The following NTM variants were observed in gnomAD, a reference collection of about 807,000 sequenced individuals.
NTM encodes the protein IgLON family member 2.
In NTM, 13 loss-of-function variants were observed where a neutral mutation model predicts 42.1. The ratio of observed to expected loss-of-function variants is 0.31; its 90% CI spans 0.20 to 0.49. The LOEUF is 0.49. NTM is among the 20% of genes least tolerant of loss of function. The probability of loss-of-function intolerance (pLI) is 0.99; values close to 1 mark genes in which losing one functional copy is unlikely to be tolerated. For synonymous variants in NTM, 187 were observed against 179.2 expected, an observed-to-expected ratio of 1.04 and a Z score of -0.35; for missense variants, 373 against 452.8, an observed-to-expected ratio of 0.82 and a Z score of 1.60.
At chr11:132,225,219 C>T (rs1230807254) in intron 4 of NTM, among the ~76,000 whole-genome samples, 1 of 152,056 alleles carries the variant, frequency 6.6e-6, no homozygotes, top group Non-Finnish European at 1.5e-5. Context: ...CAGCCTTTGC[C>T]TCATCGGGCT....
chr11:131,567,192 C>A (rs1246320878), intron 1 of NTM, among the ~76,000 whole-genome samples: 1 of 151,774 alleles, frequency 6.6e-6, no homozygotes, highest in Non-Finnish European at 1.5e-5. Context: ...TGGTGGGAAA[C>A]CTAAAAAAAC....
At chr11:132,327,092 C>G (rs116149556) in intron 7 of NTM, among the ~76,000 whole-genome samples, 1 of 152,206 alleles carries the variant, frequency 6.6e-6, no homozygotes, top group African/African-American at 2.4e-5. Flanking sequence ...TTGCATGTCA[C>G]CTCTCCTATT....
chr11:131,528,132 CCTCT>C (rs747760169), intron 1 of NTM, among the ~76,000 whole-genome samples: 23 of 152,112 alleles, frequency 1.5e-4, no homozygotes, highest in Admixed American at 3.9e-4. Flanking sequence ...GTAACTTTCA[CCTCT>C]CTATCTTTAT....
intron 1 of NTM, among the ~76,000 whole-genome samples, chr11:131,474,243 A>G (rs1031054214): frequency 4.6e-5 from 7 of 152,154 alleles, no homozygotes; most frequent in Admixed American, 1.3e-4. Flanking sequence ...AACAGTTGAC[A>G]CAGTTAACCC....
intron 1 of NTM, among the ~76,000 whole-genome samples, chr11:131,821,834 A>G (rs1211864592): frequency 6.6e-6 from 1 of 152,236 alleles, no homozygotes; most frequent in African/African-American, 2.4e-5. Flanking sequence ...ATGATAGTTT[A>G]GAAAGGAAGC....
At position 131,371,953 on chromosome 11, in the gene NTM, G is replaced by A. The variant is rs554093326; in HGVS notation, c.82+1065G>A. On this transcript the variant is annotated intron_variant, in intron 1 of 8. Coordinates refer to ENST00000683400, the MANE Select transcript of NTM (RefSeq NM_001352005.2). ...AGTCCTATGCAGTTGTATTCCCAGA[G>A]GAAAGTTCCCTCTGACCCGGTGAAA... Among the ~76,000 whole-genome samples, 235 of 152,296 alleles carry A rather than the reference G, an allele frequency of 1.5e-3. 3 individuals are homozygous for A. The South Asian group carries it at 0.017, about 11-fold the overall frequency.
At chr11:132,313,297 C>CTGTT (rs375409590) in intron 6 of NTM, among the ~76,000 whole-genome samples, 231 of 151,856 alleles carry the variant, frequency 1.5e-3, no homozygotes, top group African/African-American at 5.0e-3. Context: ...GCCTTGAGTA[C>CTGTT]TGTTTGTTTT....
intron 2 of NTM, among the ~76,000 whole-genome samples, chr11:132,084,610 C>T (rs1434641847): frequency 6.6e-6 from 1 of 152,056 alleles, no homozygotes; most frequent in Non-Finnish European, 1.5e-5. Context: ...ATGTTGTGAA[C>T]TAGAATTTCA....
At chr11:131,642,055 T>A (rs1462880098) in intron 1 of NTM, among the ~76,000 whole-genome samples, 1 of 152,148 alleles carries the variant, frequency 6.6e-6, no homozygotes, top group African/African-American at 2.4e-5. Flanking sequence ...ACATCCAATC[T>A]TTAAAATGAC....
intron 1 of NTM, among the ~76,000 whole-genome samples, chr11:131,844,742 C>T (rs2044706203): frequency 6.6e-6 from 1 of 152,072 alleles, no homozygotes; most frequent in African/African-American, 2.4e-5. Flanking sequence ...ATTATAGTGT[C>T]TCTTTTAATT....
At chr11:131,864,721 T>C (rs1406288580) in intron 1 of NTM, among the ~76,000 whole-genome samples, 2 of 152,238 alleles carry the variant, frequency 1.3e-5, no homozygotes, top group Non-Finnish European at 2.9e-5. Flanking sequence ...AGTTTCCCTA[T>C]GTGCCACCTC....
chr11:131,942,958 AAAT>A (rs10597565), intron 2 of NTM, among the ~76,000 whole-genome samples: 27,066 of 135,760 alleles, frequency 0.2, 2,685 homozygotes, highest in Middle Eastern at 0.35. Context: ...AAAAAAAAAA[AAAT>A]GCGTAGAGTT....
chr11:132,261,612 G>A (rs1160196364), intron 4 of NTM, among the ~76,000 whole-genome samples: 2 of 152,196 alleles, frequency 1.3e-5, no homozygotes, highest in Admixed American at 6.5e-5. Context: ...TTTCTGACAT[G>A]CCTTTTAAGA....
chr11:131,406,599 A>C (rs190064422), intron 1 of NTM, among the ~76,000 whole-genome samples: 1 of 152,336 alleles, frequency 6.6e-6, no homozygotes, highest in Non-Finnish European at 1.5e-5. Flanking sequence ...GATAATGTTT[A>C]ATTTATAAAT....
chr11:132,161,238 G>A (rs781008512), intron 3 of NTM, among the ~76,000 whole-genome samples: 7 of 152,224 alleles, frequency 4.6e-5, no homozygotes, highest in Non-Finnish European at 1.0e-4. Context: ...ACTGGAGTGA[G>A]TGCAGCACCC....
chr11:131,888,019 A>G lies in NTM; in HGVS notation c.83-23545A>G, dbSNP rs184047261. ...TGCCTATACTTTGAGTTGCTACTCA[A>G]AACTGCTTTCCAGTAAAATATTTGG... is the stretch of plus-strand genomic sequence containing the variant. On this transcript the variant is annotated intron_variant, in intron 1 of 8. Coordinates refer to ENST00000683400, the MANE Select transcript of NTM (RefSeq NM_001352005.2). 5.7e-3 allele frequency among the ~76,000 whole-genome samples: 867 copies of G among 152,328 alleles called. 3 individuals are homozygous for G. Among genetic ancestry groups the G allele is most frequent in the Non-Finnish European group, 8.2e-3 (557 of 68,040 alleles).
intron 2 of NTM, among the ~76,000 whole-genome samples, chr11:131,936,100 G>A (rs1449106517): frequency 2.6e-5 from 4 of 152,120 alleles, no homozygotes; most frequent in African/African-American, 9.7e-5. Context: ...AGTGATGGTC[G>A]AGAGACAGCA....
At chr11:131,546,046 A>T (rs904346660) in intron 1 of NTM, among the ~76,000 whole-genome samples, 1 of 152,088 alleles carries the variant, frequency 6.6e-6, no homozygotes, top group South Asian at 2.1e-4. Context: ...GAATTTTTAT[A>T]CTGTGAGCAT....
At chr11:132,107,955 T>C (rs2136684145) in intron 2 of NTM, among the ~76,000 whole-genome samples, 1 of 152,350 alleles carries the variant, frequency 6.6e-6, no homozygotes, top group Middle Eastern at 3.4e-3. Flanking sequence ...ACTGAGTTCC[T>C]GACTTATAGG....
Sources: allele counts gnomAD v4.1 joint callset (sites outside exome capture counted in the v4.1 genomes callset), GRCh38; gene constraint gnomAD v4.1.1; transcripts MANE v1.5; gene names NCBI Gene and HGNC (gene_info 2026-07-23, HGNC 2026-07-21).